TBC1D14: variants seen among roughly 807,000 people sequenced by gnomAD.
The protein encoded by TBC1D14 is TBC1 domain family member 14.
TBC1D14 carries 26 observed loss-of-function variants against 79.0 expected under a neutral mutation model. That is an observed-to-expected ratio of 0.33 (90% CI 0.24 to 0.46). The LOEUF (loss-of-function observed/expected upper bound fraction) is 0.46, where lower values mean the gene tolerates loss of function less well. Among genes scored for constraint, TBC1D14 ranks in the 20% least tolerant of loss-of-function variants. The probability of loss-of-function intolerance (pLI) is 1.00; values close to 1 mark genes in which losing one functional copy is unlikely to be tolerated. For missense variants in TBC1D14, 769 were observed against 887.6 expected, an observed-to-expected ratio of 0.87 and a Z score of 1.70; for synonymous variants, 394 against 349.9, an observed-to-expected ratio of 1.13 and a Z score of -1.40.
chr4:6,944,835 C>G lies in TBC1D14; in HGVS notation c.722+20724C>G, dbSNP rs78910900. On this transcript the variant is annotated intron_variant, in intron 2 of 13. Transcript: ENST00000409757. ...CTGACACCCCTTCCAGGAACCTTCT[C>G]ACTATCCCCGGGGCAGAGGTGGCCT... 5.3e-3 allele frequency among the ~76,000 whole-genome samples: 811 copies of G among 152,344 alleles called. 7 individuals are homozygous for G. The highest frequency in any genetic ancestry group is 0.018 in the African/African-American group (766 of 41,578).
chr4:6,985,018 G>C (rs764233264), intron 3 of TBC1D14, among the ~76,000 whole-genome samples: 1 of 152,130 alleles, frequency 6.6e-6, no homozygotes, highest in African/African-American at 2.4e-5. Context: ...TTTTGCCCTC[G>C]CCTGGGCAAT....
At chr4:6,994,379 G>T (rs1718798685) in intron 4 of TBC1D14, 77 bp downstream of exon 4, 6 of 1,312,912 alleles carry the variant, frequency 4.6e-6, no homozygotes, top group Non-Finnish European at 6.6e-6. Flanking sequence ...TTTCATTAGA[G>T]AAAAACTAGG....
rs140703959 is a variant in TBC1D14 at position 6,950,611 on chromosome 4, C to T, written c.723-16693C>T. ...TAGATAAGGAAGTCTCCTTTTAGTC[C>T]TAGTAAAGGTGTTTTAAAAAAATTA... is the stretch of plus-strand genomic sequence containing the variant. On this transcript the variant is annotated intron_variant, in intron 2 of 13. Transcript: ENST00000409757. Among the ~76,000 whole-genome samples the T allele has an allele frequency of 1.7e-3, 263 of 152,216 alleles. 1 individual carries two copies. Among genetic ancestry groups the T allele is most frequent in the African/African-American group, 5.8e-3 (241 of 41,548 alleles).
At chr4:6,989,752 C>CAG (rs2109134389) in intron 3 of TBC1D14, among the ~76,000 whole-genome samples, 1 of 152,176 alleles carries the variant, frequency 6.6e-6, no homozygotes, top group South Asian at 2.1e-4. Context: ...GAGTCTCATG[C>CAG]AGAGCCCTCT....
chr4:6,912,642 A>G (rs1560235184), intron 1 of TBC1D14, among the ~76,000 whole-genome samples: 1 of 152,172 alleles, frequency 6.6e-6, no homozygotes, highest in Non-Finnish European at 1.5e-5. Context: ...GGCCTTGCTT[A>G]TGCAACTGGT....
chr4:6,927,618 C>G (rs1003644644), intron 2 of TBC1D14, among the ~76,000 whole-genome samples: 1 of 152,232 alleles, frequency 6.6e-6, no homozygotes, highest in Admixed American at 6.5e-5. Context: ...AGCAGGGTCT[C>G]TCCCACTGGC....
intron 1 of TBC1D14, among the ~76,000 whole-genome samples, chr4:6,913,269 A>T (rs1292753137): frequency 5.9e-5 from 9 of 152,240 alleles, no homozygotes; most frequent in African/African-American, 1.9e-4. Flanking sequence ...TGCTGGGATT[A>T]CAGGCGTGAG....
At chr4:7,012,557 A>G (rs1720885804) in intron 11 of TBC1D14, among the ~76,000 whole-genome samples, 1 of 152,254 alleles carries the variant, frequency 6.6e-6, no homozygotes, top group African/African-American at 2.4e-5. Flanking sequence ...AGGAGAATGC[A>G]GAATGGTAAA....
chr4:6,930,105 G>A (rs774420153), intron 2 of TBC1D14, among the ~76,000 whole-genome samples: 1 of 152,230 alleles, frequency 6.6e-6, no homozygotes, highest in Non-Finnish European at 1.5e-5. Flanking sequence ...TTGCAGGGCG[G>A]TGTTGGAACT....
intron 2 of TBC1D14, among the ~76,000 whole-genome samples, chr4:6,958,268 C>G (rs1714841881): frequency 1.6e-5 from 1 of 64,444 alleles, no homozygotes; most frequent in Non-Finnish European, 4.2e-5. Flanking sequence ...AACAGCCTCA[C>G]CTGCTTCATA....
In TBC1D14 at chr4:7,014,509, C is replaced by T. The variant is rs868658336; in HGVS notation, c.1709C>T (p.Ala570Val). 33 of 1,613,700 alleles carry T rather than the reference C, an allele frequency of 2.0e-5. No individual in the cohort carries two copies. In the East Asian group the frequency reaches 2.9e-4, roughly 14 times the overall value. ...FFEENLPKLF[A>V]HFKKNNLTPD... ...GAAGAAAATTTGCCGAAATTATTTGCGCATTTCAAGAAGAACAACCTAACT... is the reference window on the plus strand; with the variant it reads ...GAAGAAAATTTGCCGAAATTATTTGTGCATTTCAAGAAGAACAACCTAACT... The change falls in exon 12 of 14, where the codon GCG (alanine) becomes GTG (valine). Residue 570 changes from alanine to valine, a missense_variant. Coordinates refer to ENST00000409757, the MANE Select transcript of TBC1D14 (RefSeq NM_020773.3).
chr4:6,921,625 A>C (rs1233074839), intron 1 of TBC1D14, among the ~76,000 whole-genome samples: 1 of 151,522 alleles, frequency 6.6e-6, no homozygotes, highest in Non-Finnish European at 1.5e-5. Context: ...TCCTGGGTTC[A>C]AGTGATTTTC....
intron 3 of TBC1D14, among the ~76,000 whole-genome samples, chr4:6,970,361 TA>T (rs1285142230): frequency 1.3e-5 from 2 of 152,220 alleles, no homozygotes; most frequent in Admixed American, 1.3e-4. Context: ...TGGAGAACAG[TA>T]GCACCTGCCT....
chr4:6,938,468 G>T (rs527329470), intron 2 of TBC1D14, among the ~76,000 whole-genome samples: 1 of 152,272 alleles, frequency 6.6e-6, no homozygotes, highest in East Asian at 1.9e-4. Flanking sequence ...TTCAGTCCTT[G>T]GCCCTCTCCA....
At chr4:6,938,598 C>A (rs774421366) in intron 2 of TBC1D14, among the ~76,000 whole-genome samples, 1 of 152,166 alleles carries the variant, frequency 6.6e-6, no homozygotes, top group South Asian at 2.1e-4. Context: ...AGGTGGGGCT[C>A]GCTCATTCAG....
chr4:6,942,883 C>G (rs1213771962), intron 2 of TBC1D14, among the ~76,000 whole-genome samples: 1 of 152,156 alleles, frequency 6.6e-6, no homozygotes, highest in Non-Finnish European at 1.5e-5. Context: ...TTTAGAGGTT[C>G]GTTTGAGAGC....
chr4:6,959,128 G>A (rs947849046), intron 2 of TBC1D14, among the ~76,000 whole-genome samples: 11 of 151,454 alleles, frequency 7.3e-5, no homozygotes, highest in Non-Finnish European at 1.6e-4. Context: ...CTTGTGATCC[G>A]CCCGCCTCGG....
chr4:6,996,903 A>G (rs1285915181), intron 5 of TBC1D14: 1 of 152,318 alleles, frequency 6.6e-6, no homozygotes, highest in East Asian at 1.9e-4. Flanking sequence ...CGACACGTAT[A>G]TTTCTTTCCC....
intron 2 of TBC1D14, among the ~76,000 whole-genome samples, chr4:6,964,678 C>T (rs576479177): frequency 9.2e-5 from 14 of 151,850 alleles, no homozygotes; most frequent in Non-Finnish European, 1.3e-4. Context: ...TGCAGTGGCA[C>T]GATCATAGTG....
Sources: allele counts gnomAD v4.1 joint callset (sites outside exome capture counted in the v4.1 genomes callset), GRCh38; gene constraint gnomAD v4.1.1; transcripts MANE v1.5; gene names NCBI Gene and HGNC (gene_info 2026-07-23, HGNC 2026-07-21).